The following TTN variants were observed in gnomAD, a reference collection of about 807,000 sequenced individuals.
TTN encodes connectin.
In TTN, 1,525 loss-of-function variants were observed where a neutral mutation model predicts 3,223.0. That is an observed-to-expected ratio of 0.47 (90% confidence interval 0.45 to 0.49). TTN has a LOEUF of 0.49. TTN is among the 20% of genes least tolerant of loss of function. The pLI is 0.00. For synonymous variants in TTN, 14,094 were observed against 15,161.0 expected, an observed-to-expected ratio of 0.93 and a Z score of 5.17; for missense variants, 40,786 against 43,424.0, an observed-to-expected ratio of 0.94 and a Z score of 5.40.
chr2:178,554,444 A>G lies in TTN; in HGVS notation c.88894+9T>C, dbSNP rs148034735. The G allele has an allele frequency of 6.8e-6, 11 of 1,610,612 alleles. No homozygotes were observed. The African/African-American group carries it at 1.2e-4, about 18-fold the overall frequency. ...CACGTTTCAGTTTTCTAATGAAATCATGTCTCACCAAATGCGTTCTTGGCT... is the reference window on the plus strand; with the variant it reads ...CACGTTTCAGTTTTCTAATGAAATCGTGTCTCACCAAATGCGTTCTTGGCT... On this transcript the variant is annotated intron_variant, in intron 332 of 362. Coordinates refer to ENST00000589042, the MANE Select transcript of TTN (RefSeq NM_001267550.2).
At chr2:178,730,399 G>A (rs1346081445) in intron 61 of TTN, 28 bp from the exon 62 acceptor site, 1 of 1,554,054 alleles carries the variant, frequency 6.4e-7, no homozygotes. Flanking sequence ...ACAAGCAAAA[G>A]AAAATAGGAA....
chr2:178,695,760 T>C lies in TTN; in HGVS notation c.31207+105A>G, dbSNP rs2073586059. On this transcript the variant is annotated intron_variant, in intron 114 of 362. Coordinates refer to ENST00000589042, the MANE Select transcript of TTN (RefSeq NM_001267550.2). The stretch of plus-strand genomic sequence containing the variant: ...ACCTTAAAAAAATCTAAGATCATTT[T>C]AACTATTTCACATAAACTGCAAATC... The C allele has an allele frequency of 8.6e-6, 8 of 925,700 alleles. No individual in the cohort carries two copies. The East Asian group carries it at 2.3e-4, about 27-fold the overall frequency. 57.3% of individuals were successfully genotyped at this position (925,700 alleles called of 1,614,324 possible).
chr2:178,583,293 T>G lies in TTN; in HGVS notation c.65576-66A>C, dbSNP rs2048189854. On this transcript the variant is annotated intron_variant, in intron 312 of 362. Transcript: ENST00000589042. ...TATATTATGTAATCCTTATTAATAA[T>G]AGTGGGAAATTCATATGCTGCTTCT... The G allele has an allele frequency of 3.0e-6, 4 of 1,355,652 alleles. No individual in the cohort carries two copies. In the South Asian group the frequency reaches 7.8e-5, roughly 27 times the overall value. 84.0% of individuals were successfully genotyped at this position (1,355,652 alleles called of 1,614,324 possible).
Position 178,611,887 on chromosome 2 carries a change from C to T in TTN, c.50422G>A (p.Asp16808Asn). 1 of 1,612,862 alleles carries T rather than the reference C, an allele frequency of 6.2e-7. No individual in the cohort carries two copies. The highest frequency in any genetic ancestry group is 8.5e-7 in the Non-Finnish European group (1 of 1,179,272). ...ACATCAGTTACTCTGAAGTTACAGT[C>T]AGGTCCTGCAGTCTTTCCAGCTTTC... ...WVKAGKTAGP[D>N]CNFRVTDVIE... Residue 16808 changes from aspartate (D) to asparagine (N), a missense_variant, in exon 268 of 363, where the codon GAC becomes AAC. Coordinates refer to ENST00000589042, the MANE Select transcript of TTN (RefSeq NM_001267550.2).
chr2:178,730,125 G>C lies in TTN; in HGVS notation c.18275C>G (p.Thr6092Arg). ...AAAGAGAGTGGCTTTGCTGGTTGCT[G>C]TGCCAACATCATTGCTTAGTTGGCA... ...YICQLSNDVG[T>R]ATSKATLFVK... Residue 6092 changes from threonine (T) to arginine (R), a missense_variant, in exon 62 of 363, where the codon ACA becomes AGA. Physicochemically the swap from Thr to Arg is moderately conservative, Grantham distance 71. Transcript: ENST00000589042. The C allele has an allele frequency of 6.2e-7, 1 of 1,612,966 alleles. No individual in the cohort carries two copies.
At chr2:178,694,129 A>G (rs1330530700) in intron 117 of TTN, 121 bp from the exon 118 acceptor site, 5 of 701,710 alleles carry the variant, frequency 7.1e-6, no homozygotes, top group Non-Finnish European at 1.2e-5. Context: ...TGGTAGCTTG[A>G]GAACAAATTC....
Position 178,609,881 on chromosome 2 carries a change from C to T in TTN, c.51542G>A (p.Gly17181Asp). ...PLYDGGSKIM[G>D]YIIEKIAKGE... ...CTTAGCAATCTTCTCTATGATGTAG[C>T]CCATTATCTTGCTCCCTCCATCATA... is the stretch of plus-strand genomic sequence containing the variant. Residue 17181 changes from glycine (G) to aspartate (D), a missense_variant, in exon 272 of 363, where the codon GGC becomes GAC. Physicochemically the swap from Gly to Asp is moderately conservative, Grantham distance 94. Coordinates refer to ENST00000589042, the MANE Select transcript of TTN (RefSeq NM_001267550.2). 1.9e-6 allele frequency: 3 copies of T among 1,613,030 alleles called. No individual in the cohort carries two copies. Among genetic ancestry groups the T allele is most frequent in the Non-Finnish European group, 2.5e-6 (3 of 1,179,248 alleles).
Position 178,672,007 on chromosome 2 carries a change from C to T in TTN, c.35191G>A (p.Val11731Met). The T allele has an allele frequency of 6.2e-7, 1 of 1,606,902 alleles. No individual in the cohort carries two copies. The change falls in exon 155 of 363, where the codon GTG (valine) becomes ATG (methionine). Residue 11731 changes from valine to methionine, a missense_variant. By Grantham distance (21) the Val-to-Met change is conservative (BLOSUM62 1). Transcript: ENST00000589042. ...GCTTTTGGTTTTTCAAATACTTCCA[C>T]TTCTTCAGCCTCAAAAACTTCTATT... is the stretch of plus-strand genomic sequence containing the variant. ...RVIEVFEAEEVEVFEKPKAPP... is the reference protein window; with the variant it reads ...RVIEVFEAEEMEVFEKPKAPP...
Position 178,666,865 on chromosome 2 carries a change from T to C in TTN, c.35834A>G (p.Glu11945Gly). 1 of 1,571,962 alleles carries C rather than the reference T, an allele frequency of 6.4e-7. No homozygotes were observed. Among genetic ancestry groups the C allele is most frequent in the East Asian group, 2.3e-5 (1 of 43,416 alleles). ...TTTTCTTCTTTTAACAATAGGAGTTTCTCCCTCTGGAATGACTTCCTTGAA... is the reference window on the plus strand; with the variant it reads ...TTTTCTTCTTTTAACAATAGGAGTTCCTCCCTCTGGAATGACTTCCTTGAA... ...EVFKEVIPEG[E>G]TPIVKRRKTP... is the part of the protein sequence containing the mutation. The change falls in exon 163 of 363, where the codon GAA becomes GGA. Residue 11945 changes from glutamate to glycine, a missense_variant. Physicochemically the swap from Glu to Gly is moderately conservative, Grantham distance 98. Transcript: ENST00000589042.
At chr2:178,582,263 A>C in intron 314 of TTN, 33 bp downstream of exon 314, 1 of 1,576,100 alleles carries the variant, frequency 6.3e-7, no homozygotes, top group African/African-American at 1.4e-5. Context: ...ATTTTAAAAA[A>C]TAAAATGAAA....
intron 213 of TTN, 148 bp from the exon 214 acceptor site, chr2:178,647,612 C>T (rs1049225801): frequency 1.5e-6 from 1 of 686,632 alleles, no homozygotes; most frequent in Non-Finnish European, 2.5e-6. Flanking sequence ...TTTGGACATC[C>T]TAATTTTATA....
In TTN at chr2:178,592,046, G is replaced by A. The variant is rs754149259; in HGVS notation, c.59858C>T (p.Ala19953Val). Residue 19953 changes from alanine to valine, a missense_variant, in exon 302 of 363, where the codon GCG (alanine) becomes GTG (valine). Coordinates refer to ENST00000589042, the MANE Select transcript of TTN (RefSeq NM_001267550.2). ...AGGACCACGTCCATACTGGTTCTCC[G>A]CAGCTACTCGGAAGAGGTACTGGTT... ...EGNQYLFRVA[A>V]ENQYGRGPFV... 3.3e-5 allele frequency: 54 copies of A among 1,612,922 alleles called. No homozygotes were observed. Among genetic ancestry groups the A allele is most frequent in the Non-Finnish European group, 4.3e-5 (51 of 1,179,506 alleles).
intron 6 of TTN, 63 bp downstream of exon 6, chr2:178,799,424 T>C: frequency 6.2e-7 from 1 of 1,611,754 alleles, no homozygotes; most frequent in Non-Finnish European, 8.5e-7. Context: ...CAAGGGAATC[T>C]TTCTCGTTTC....
In TTN at chr2:178,582,988, C is replaced by G; in HGVS notation, c.65815G>C (p.Glu21939Gln). The G allele has an allele frequency of 6.4e-7, 1 of 1,554,830 alleles. No homozygotes were observed. Among genetic ancestry groups the G allele is most frequent in the Non-Finnish European group, 8.7e-7 (1 of 1,147,630 alleles). ...GCTGATTTAGAACCACTTGAATTTT[C>G]AGCAGTAATGGTATAGTCTCCTGAG... ...KDSGDYTITA[E>Q]NSSGSKSATI... The change falls in exon 313 of 363, where the codon GAA becomes CAA. Residue 21939 changes from glutamate to glutamine, a missense_variant. Physicochemically the swap from Glu to Gln is conservative, Grantham distance 29. Coordinates refer to ENST00000589042, the MANE Select transcript of TTN (RefSeq NM_001267550.2).
rs1239385051 is a variant in TTN, at chr2:178,573,904, T to C, written c.72228A>G (p.Leu24076=). ...TAGAGAAATCTGCAATTTTTATTTC[T>C]AACTTTGCTGTGCCTTCCAGCTCTT... The part of the protein sequence containing the change: ...DGKELEGTAK[L]EIKIADFSTN... The change falls in exon 326 of 363, where the codon TTA becomes TTG. Residue 24076 remains leucine (L), a synonymous_variant. Coordinates refer to ENST00000589042, the MANE Select transcript of TTN (RefSeq NM_001267550.2). 1.9e-6 allele frequency: 3 copies of C among 1,611,676 alleles called. No individual in the cohort carries two copies. Among genetic ancestry groups the C allele is most frequent in the Non-Finnish European group, 2.5e-6 (3 of 1,178,364 alleles).
At position 178,539,426 on chromosome 2, in the gene TTN, T is replaced by C; in HGVS notation, c.98639A>G (p.Lys32880Arg). 1 of 1,613,802 alleles carries C rather than the reference T, an allele frequency of 6.2e-7. No homozygotes were observed. The highest frequency in any genetic ancestry group is 1.3e-5 in the African/African-American group (1 of 75,028). ...VSAENQFGISKPLKSEEPVTP... is the reference protein window; with the variant it reads ...VSAENQFGISRPLKSEEPVTP... ...GACTGGTTCCTCAGATTTCAAGGGTTTGCTTATGCCAAACTGGTTTTCTGC... is the reference window on the plus strand; with the variant it reads ...GACTGGTTCCTCAGATTTCAAGGGTCTGCTTATGCCAAACTGGTTTTCTGC... Residue 32880 changes from lysine (K) to arginine (R), a missense_variant, in exon 352 of 363, where the codon AAA (lysine) becomes AGA (arginine). Coordinates refer to ENST00000589042, the MANE Select transcript of TTN (RefSeq NM_001267550.2).
chr2:178,608,568 G>A, intron 274 of TTN, 38 bp downstream of exon 274: 2 of 1,589,386 alleles, frequency 1.3e-6, no homozygotes, highest in Non-Finnish European at 1.7e-6. Flanking sequence ...CAAAGTACAT[G>A]GTAAAAAGGC....
In TTN at chr2:178,719,306, C is replaced by T; in HGVS notation, c.24084G>A (p.Gly8028=). ...WFQDGNEIVS[G]PKCQSSFSEN... is the part of the protein sequence containing the mutation. ...CCGAAAAGCTGGACTGACATTTGGG[C>T]CCACTAACAATCTCATTTCCATCCT... Residue 8028 remains glycine (G), a synonymous_variant, in exon 83 of 363, where the codon GGG becomes GGA. Coordinates refer to ENST00000589042, the MANE Select transcript of TTN (RefSeq NM_001267550.2). The T allele has an allele frequency of 1.2e-6, 2 of 1,613,694 alleles. No homozygotes were observed. The highest frequency in any genetic ancestry group is 1.7e-6 in the Non-Finnish European group (2 of 1,179,744).
chr2:178,733,003 A>T lies in TTN; in HGVS notation c.16173T>A (p.Phe5391Leu). The change falls in exon 55 of 363, where the codon TTT (phenylalanine) becomes TTA (leucine). Residue 5391 changes from phenylalanine (F) to leucine (L), a missense_variant. Transcript: ENST00000589042. The stretch of plus-strand genomic sequence containing the variant: ...AAGCAGCTATTTCTTTGCCATCCTT[A>T]AACCAGGACACCCTCATGGGGAGGG... ...AGSLPMRVSW[F>L]KDGKEIAASD... 1 of 1,613,544 alleles carries T rather than the reference A, an allele frequency of 6.2e-7. No homozygotes were observed. Among genetic ancestry groups the T allele is most frequent in the Non-Finnish European group, 8.5e-7 (1 of 1,179,732 alleles).
Sources: gnomAD v4.1 joint callset for allele counts on GRCh38, gnomAD v4.1.1 for gene constraint, MANE v1.5 for transcripts, NCBI Gene and HGNC (gene_info 2026-07-23, HGNC 2026-07-21) for gene names.